The following KRIT1 variants were observed in gnomAD, a reference collection of about 807,000 sequenced individuals.
KRIT1 encodes the protein KRIT1 ankyrin repeat containing.
In KRIT1, 45 loss-of-function variants were observed where a neutral mutation model predicts 95.8. That is an observed-to-expected ratio of 0.47 (90% CI 0.37 to 0.60). KRIT1 has a LOEUF of 0.60. Ranked by LOEUF, KRIT1 falls within the 20% of genes least tolerant of loss-of-function variation. KRIT1 has a pLI of 0.00. For missense variants in KRIT1, 788 were observed against 877.5 expected (o/e 0.90, Z 1.29); for synonymous variants, 282 against 278.8 (o/e 1.01, Z -0.11).
At position 92,225,785 on chromosome 7, in the gene KRIT1, C is replaced by T. The variant is rs1167694568; in HGVS notation, c.1189G>A (p.Glu397Lys). 2 of 1,611,194 alleles carry T rather than the reference C, an allele frequency of 1.2e-6. No individual in the cohort carries two copies. The highest frequency in any genetic ancestry group is 2.7e-5 in the African/African-American group (2 of 74,826). Residue 397 changes from glutamate to lysine, a missense_variant, in exon 12 of 19, where the codon GAA becomes AAA. Around this residue, in one of 3 missense-constraint regions of KRIT1, gnomAD observed 493 missense variants for 582.3 expected, o/e 0.85. Coordinates refer to ENST00000394505, the MANE Select transcript of KRIT1 (RefSeq NM_194454.3). Reference protein sequence around the residue: ...QQGRSPLNICEENKQNNWEEA... With the variant: ...QQGRSPLNICKENKQNNWEEA... Reference sequence around the variant, plus strand: ...TCCCAGTTGTTTTGTTTGTTTTCTTCACAAATATTTAATGGAGATCTTCCT... The same window carrying T: ...TCCCAGTTGTTTTGTTTGTTTTCTTTACAAATATTTAATGGAGATCTTCCT...
upstream of KRIT1, chr7:92,245,945 G>A: frequency 4.0e-6 from 1 of 247,450 alleles, no homozygotes; most frequent in South Asian, 4.0e-5. Context: ...ACCCTTTGCA[G>A]CCTCGCGGTT....
chr7:92,245,740 C>T (rs1307219190), intron 1 of KRIT1, 50 bp downstream of exon 1: 1 of 152,606 alleles, frequency 6.6e-6, no homozygotes, highest in African/African-American at 2.4e-5. Flanking sequence ...CGCGCTCCCA[C>T]CCGCGCCCCA....
intron 10 of KRIT1, among the ~76,000 whole-genome samples, chr7:92,228,065 A>G (rs1157603970): frequency 6.6e-6 from 1 of 151,830 alleles, no homozygotes; most frequent in African/African-American, 2.4e-5. Flanking sequence ...ATGTTGCCCA[A>G]CCTGGCCTCT....
intron 10 of KRIT1, among the ~76,000 whole-genome samples, chr7:92,228,731 C>A (rs1416143073): frequency 6.6e-6 from 1 of 152,146 alleles, no homozygotes; most frequent in Non-Finnish European, 1.5e-5. Context: ...TTCCGCTCCT[C>A]TCCCTCCTCC....
intron 4 of KRIT1, among the ~76,000 whole-genome samples, chr7:92,241,622 AG>A (rs1799664362): frequency 6.6e-6 from 1 of 152,238 alleles, no homozygotes; most frequent in South Asian, 2.1e-4. Flanking sequence ...ACTACAGAAA[AG>A]TAACTTAATT....
intron 10 of KRIT1, among the ~76,000 whole-genome samples, chr7:92,231,330 CAT>C (rs1216361663): frequency 6.6e-6 from 1 of 152,018 alleles, no homozygotes; most frequent in East Asian, 1.9e-4. Context: ...GTTATGTTAA[CAT>C]ATATAGGTAT....
Position 92,234,609 on chromosome 7 carries a change from A to G in KRIT1, c.846-17T>C. On this transcript the variant is annotated splice_polypyrimidine_tract_variant and intron_variant, in intron 9 of 18. Coordinates refer to ENST00000394505, the MANE Select transcript of KRIT1 (RefSeq NM_194454.3). ...TGTCGTTCCCTAATCATTAAAAAGA[A>G]ATTTTGAAAAATACAACAGGACTGT... 6.2e-7 allele frequency: 1 copy of G among 1,604,768 alleles called. No individual in the cohort carries two copies.
intron 3 of KRIT1, 71 bp from the exon 4 acceptor site, chr7:92,242,208 A>T: frequency 1.2e-6 from 1 of 855,468 alleles, no homozygotes. Flanking sequence ...AAAAAAAAGT[A>T]ATGCATCTTA....
intron 14 of KRIT1, among the ~76,000 whole-genome samples, chr7:92,219,625 C>G (rs1442185143): frequency 6.6e-6 from 1 of 152,090 alleles, no homozygotes; most frequent in Non-Finnish European, 1.5e-5. Flanking sequence ...ATTTGAGTCC[C>G]CTTGCAATTC....
At chr7:92,232,749 A>G (rs1797580107) in intron 10 of KRIT1, among the ~76,000 whole-genome samples, 1 of 151,812 alleles carries the variant, frequency 6.6e-6, no homozygotes, top group African/African-American at 2.4e-5. Flanking sequence ...GCTGGAGTGC[A>G]GTGGCGTGAT....
In KRIT1 at chr7:92,214,774, C is replaced by T. The variant is rs750171016; in HGVS notation, c.1567G>A (p.Glu523Lys). The part of the protein sequence containing the change: ...RLPLEVEKQI[E>K]DPLAILILFD... ...AGAATAAGAATAGCTAGTGGGTCTT[C>T]AATCTTAAAGGAAAAAGTATAATTT... is the stretch of plus-strand genomic sequence containing the variant. The change falls in exon 15 of 19, where the codon GAA (glutamate) becomes AAA (lysine). Residue 523 changes from glutamate to lysine, a missense_variant. Transcript: ENST00000394505. 1 of 1,592,630 alleles carries T rather than the reference C, an allele frequency of 6.3e-7. No individual in the cohort carries two copies. Among genetic ancestry groups the T allele is most frequent in the East Asian group, 2.2e-5 (1 of 44,670 alleles).
intron 17 of KRIT1, among the ~76,000 whole-genome samples, chr7:92,208,798 T>A (rs1792123431): frequency 6.6e-6 from 1 of 152,100 alleles, no homozygotes; most frequent in African/African-American, 2.4e-5. Context: ...CCAACTTTCT[T>A]AAAATGGACC....
Position 92,226,544 on chromosome 7 carries a change from G to T in KRIT1, c.1128C>A (p.Asn376Lys). The change falls in exon 11 of 19, where the codon AAC (asparagine) becomes AAA (lysine). Residue 376 changes from asparagine (N) to lysine (K), a missense_variant. Around this residue, in one of 3 missense-constraint regions of KRIT1, gnomAD observed 493 missense variants for 582.3 expected, o/e 0.85. Transcript: ENST00000394505. ...GHAEIVQILLNHPETDRHITD... is the reference protein window; with the variant it reads ...GHAEIVQILLKHPETDRHITD... ...AACTTACTCTATCCGTTTCTGGGTG[G>T]TTTAGGAGAATCTGTACTATTTCAG... The T allele has an allele frequency of 6.2e-7, 1 of 1,612,286 alleles. No individual in the cohort carries two copies. Among genetic ancestry groups the T allele is most frequent in the Non-Finnish European group, 8.5e-7 (1 of 1,178,542 alleles).
intron 10 of KRIT1, among the ~76,000 whole-genome samples, chr7:92,230,761 G>A (rs1014995677): frequency 6.6e-6 from 1 of 151,962 alleles, no homozygotes; most frequent in African/African-American, 2.4e-5. Flanking sequence ...GAGAGAGATG[G>A]GGACAAAAAG....
chr7:92,233,409 CTTTT>C (rs35291071), intron 10 of KRIT1, among the ~76,000 whole-genome samples: 1 of 140,174 alleles, frequency 7.1e-6, no homozygotes, highest in Non-Finnish European at 1.5e-5. Context: ...TAATGTGGTA[CTTTT>C]TTTTTTTTTT....
chr7:92,203,700 T>G (rs899224201), intron 17 of KRIT1, among the ~76,000 whole-genome samples: 1 of 152,188 alleles, frequency 6.6e-6, no homozygotes, highest in Admixed American at 6.5e-5. Flanking sequence ...TGCCAAAAAT[T>G]GGAAAGCTAA....
chr7:92,244,826 T>C (rs1800522648), intron 2 of KRIT1, 76 bp downstream of exon 2: 1 of 152,220 alleles, frequency 6.6e-6, no homozygotes, highest in African/African-American at 2.4e-5. Flanking sequence ...GCACAAATGA[T>C]AATATGCTCC....
intron 17 of KRIT1, chr7:92,205,895 AAACT>A (rs972734559): frequency 2.6e-5 from 4 of 152,230 alleles, no homozygotes; most frequent in African/African-American, 9.6e-5. Flanking sequence ...GGAGCACCAT[AAACT>A]AACTTCTAAC....
intron 13 of KRIT1, 50 bp downstream of exon 13, chr7:92,222,772 C>G: frequency 8.6e-7 from 1 of 1,160,202 alleles, no homozygotes; most frequent in Non-Finnish European, 1.3e-6. Context: ...CCAACCCACT[C>G]CCAAAAAGGA....
Sources: allele counts gnomAD v4.1 joint callset (sites outside exome capture counted in the v4.1 genomes callset), GRCh38; gene constraint gnomAD v4.1.1; regional missense constraint gnomAD v4.1.1; transcripts MANE v1.5; gene names NCBI Gene and HGNC (gene_info 2026-07-23, HGNC 2026-07-21).